The following URB2 variants were observed in gnomAD, a reference collection of about 807,000 sequenced individuals.
URB2 encodes the protein unhealthy ribosome biogenesis protein 2 homolog.
URB2 carries 86 observed loss-of-function variants against 120.9 expected under a neutral mutation model. The ratio of observed to expected loss-of-function variants is 0.71; its 90% CI spans 0.60 to 0.85. The LOEUF (loss-of-function observed/expected upper bound fraction) is 0.85. URB2 is among the 40% of genes least tolerant of loss of function. The pLI, the probability that URB2 is intolerant of heterozygous loss-of-function variation, is 0.00. For synonymous variants in URB2, 755 were observed against 758.4 expected (o/e 1.00, Z 0.07); for missense variants, 1,765 against 1,836.5 (o/e 0.96, Z 0.71).
Position 229,659,390 on chromosome 1 carries a change from T to C in URB2, c.*93T>C. The C allele has an allele frequency of 7.6e-7, 1 of 1,314,540 alleles. No homozygotes were observed. Among genetic ancestry groups the C allele is most frequent in the Non-Finnish European group, 1.1e-6 (1 of 941,072 alleles). 81.4% of individuals were successfully genotyped at this position (1,314,540 alleles called of 1,614,324 possible). A position where few individuals can be genotyped will look rare whatever the true frequency, so the allele number is the denominator to read the frequency against. Reference sequence around the variant, plus strand: ...GGAGAATGAAAGACTTAAGATGTTCTAATTCGTAGTATTGGTATACATAGA... The same window carrying C: ...GGAGAATGAAAGACTTAAGATGTTCCAATTCGTAGTATTGGTATACATAGA... On this transcript the variant is annotated 3_prime_UTR_variant, in exon 10 of 10. Coordinates refer to ENST00000258243, the MANE Select transcript of URB2 (RefSeq NM_014777.4).
intron 5 of URB2, among the ~76,000 whole-genome samples, chr1:229,645,545 G>T (rs1168543176): frequency 6.6e-6 from 1 of 152,120 alleles, no homozygotes; most frequent in Non-Finnish European, 1.5e-5. Context: ...CTGTAATTAG[G>T]TCACAGTGTG....
At chr1:229,640,122 C>T (rs1426769077) in intron 4 of URB2, among the ~76,000 whole-genome samples, 1 of 152,122 alleles carries the variant, frequency 6.6e-6, no homozygotes, top group Non-Finnish European at 1.5e-5. Context: ...TATTAACATG[C>T]ATTGTATTAT....
Position 229,637,162 on chromosome 1 carries a change from G to A in URB2, c.2549G>A (p.Gly850Asp). 1.9e-6 allele frequency: 3 copies of A among 1,613,824 alleles called. No homozygotes were observed. Among genetic ancestry groups the A allele is most frequent in the Non-Finnish European group, 2.5e-6 (3 of 1,179,806 alleles). Reference sequence around the variant, plus strand: ...TTTGAAAAGGACCACATGGTTGTGGGTCATTGGGAAAACAGATTTGCAAAA... The same window carrying A: ...TTTGAAAAGGACCACATGGTTGTGGATCATTGGGAAAACAGATTTGCAAAA... ...WLFEKDHMVV[G>D]HWENRFAKAG... Residue 850 changes from glycine to aspartate, a missense_variant, in exon 4 of 10, where the codon GGT (glycine) becomes GAT (aspartate). By Grantham distance (94) the Gly-to-Asp change is moderately conservative. Transcript: ENST00000258243.
intron 6 of URB2, 130 bp from the exon 7 acceptor site, chr1:229,647,380 C>T (rs1390070952): frequency 3.4e-5 from 38 of 1,125,546 alleles, no homozygotes; most frequent in Admixed American, 5.3e-5. Context: ...TAGTATTTAA[C>T]GGCCCACGGA....
intron 9 of URB2, 98 bp from the exon 10 acceptor site, chr1:229,659,002 G>A: frequency 8.2e-7 from 1 of 1,225,118 alleles, no homozygotes. Context: ...AGGTCAGTTT[G>A]AAATTACTTG....
rs760894683 is a variant in URB2 at position 229,653,936 on chromosome 1, G to GTTT, written c.4238-291_4238-289dup. 5.3e-3 allele frequency among the ~76,000 whole-genome samples: 321 copies of GTTT among 60,424 alleles called. 11 individuals carry two copies. Among genetic ancestry groups the GTTT allele is most frequent in the African/African-American group, 0.013 (196 of 14,880 alleles). 39.6% of individuals were successfully genotyped at this position (60,424 alleles called of 152,430 possible). On this transcript the variant is annotated intron_variant, in intron 8 of 9. Coordinates refer to ENST00000258243, the MANE Select transcript of URB2 (RefSeq NM_014777.4). Reference sequence around the variant, plus strand: ...CTTTATTATAGAACTCCATCTTGGTGTTTTTTTTTTTTTTTTTTTTTTTTA... The same window carrying GTTT: ...CTTTATTATAGAACTCCATCTTGGTGTTTTTTTTTTTTTTTTTTTTTTTTTTTA...
intron 7 of URB2, 104 bp from the exon 8 acceptor site, chr1:229,651,131 C>T (rs1176131116): frequency 3.7e-6 from 4 of 1,088,904 alleles, no homozygotes; most frequent in African/African-American, 1.6e-5. Flanking sequence ...GTTTGAGTGT[C>T]CCGATAGACT....
In URB2 at chr1:229,637,483, G is replaced by A; in HGVS notation, c.2870G>A (p.Ser957Asn). The A allele has an allele frequency of 6.2e-7, 1 of 1,614,196 alleles. No homozygotes were observed. The highest frequency in any genetic ancestry group is 2.2e-5 in the East Asian group (1 of 44,886). The change falls in exon 4 of 10, where the codon AGT becomes AAT. Residue 957 changes from serine to asparagine, a missense_variant. Ser to Asn is a conservative substitution (Grantham distance 46). Transcript: ENST00000258243. ...CTTGGTTACTTGCAAAAGGGGAAAA[G>A]TGCTCGCTCTGTGTTCAAGATCATG... ...QLLGYLQKGK[S>N]ARSVFKIMYG...
chr1:229,645,097 C>T (rs1054110570), intron 5 of URB2, among the ~76,000 whole-genome samples: 34 of 151,990 alleles, frequency 2.2e-4, no homozygotes, highest in Admixed American at 1.3e-4. Flanking sequence ...ACCACCTGGC[C>T]AACATAGTGA....
chr1:229,658,358 A>T (rs61825541), intron 9 of URB2, among the ~76,000 whole-genome samples: 1 of 151,938 alleles, frequency 6.6e-6, no homozygotes, highest in Non-Finnish European at 1.5e-5. Flanking sequence ...GCTGCCACCC[A>T]CACTCCTGTG....
Position 229,651,438 on chromosome 1 carries a change from A to C in URB2, c.4237+116A>C, listed in dbSNP as rs1571882215. 3 of 763,598 alleles carry C rather than the reference A, an allele frequency of 3.9e-6. No homozygotes were observed. The East Asian group carries it at 9.4e-5, about 24-fold the overall frequency. 47.3% of individuals were successfully genotyped at this position (763,598 alleles called of 1,614,324 possible). On this transcript the variant is annotated intron_variant, in intron 8 of 9. Coordinates refer to ENST00000258243, the MANE Select transcript of URB2 (RefSeq NM_014777.4). Reference sequence around the variant, plus strand: ...CACTTGTGTTTAAATAAGAGAAATGATATCAAATGAATACTCAAAATATAT... The same window carrying C: ...CACTTGTGTTTAAATAAGAGAAATGCTATCAAATGAATACTCAAAATATAT...
At position 229,648,207 on chromosome 1, in the gene URB2, A is replaced by C. The variant is rs1666197334; in HGVS notation, c.4149+455A>C. Among the ~76,000 whole-genome samples the C allele has an allele frequency of 5.3e-5, 8 of 152,230 alleles. 1 individual carries two copies. The South Asian group carries it at 1.7e-3, about 32-fold the overall frequency. On this transcript the variant is annotated intron_variant, in intron 7 of 9. Coordinates refer to ENST00000258243, the MANE Select transcript of URB2 (RefSeq NM_014777.4). ...TTCAGCTATGTGTATAAACTATATA[A>C]AGTGAAACATAAATGAACTTTTAAA... is the stretch of plus-strand genomic sequence containing the variant.
At chr1:229,653,527 A>G (rs891662886) in intron 8 of URB2, among the ~76,000 whole-genome samples, 3 of 152,128 alleles carry the variant, frequency 2.0e-5, no homozygotes, top group African/African-American at 7.2e-5. Context: ...GTTTTATAAA[A>G]ATGTGCCTAC....
intron 8 of URB2, among the ~76,000 whole-genome samples, chr1:229,653,053 A>G (rs1460781615): frequency 6.6e-6 from 1 of 152,236 alleles, no homozygotes; most frequent in Admixed American, 6.5e-5. Flanking sequence ...AACAAGTGCT[A>G]TGTATTCATG....
rs751690667 is a variant in URB2 at position 229,636,745 on chromosome 1, G to C, written c.2132G>C (p.Gly711Ala). 1.9e-6 allele frequency: 3 copies of C among 1,612,396 alleles called. No homozygotes were observed. The highest frequency in any genetic ancestry group is 2.5e-6 in the Non-Finnish European group (3 of 1,179,024). Residue 711 changes from glycine (G) to alanine (A), a missense_variant, in exon 4 of 10, where the codon GGC becomes GCC. Gly to Ala is a moderately conservative substitution (Grantham distance 60, BLOSUM62 0). Transcript: ENST00000258243. ...RCDAAFIIGS[G>A]RKSLNQRTTA... ...GATGCTGCCTTTATTATTGGTTCCG[G>C]CAGAAAAAGCTTGAATCAGAGAACG...
chr1:229,645,883 C>T lies in URB2; in HGVS notation c.3820C>T (p.Leu1274=), dbSNP rs145358275. Residue 1274 remains leucine (L), a synonymous_variant, in exon 6 of 10, where the codon CTG becomes TTG. Transcript: ENST00000258243. ...GGCTGTTGTGTCAGCTGTTACACTG[C>T]TGAGGCTGCTACTGAACTGCCCACT... The part of the protein sequence containing the change: ...VQAVVSAVTL[L]RLLLNCPLSG... The T allele has an allele frequency of 2.4e-5, 38 of 1,614,186 alleles. No individual in the cohort carries two copies. The East Asian group carries it at 8.5e-4, about 36-fold the overall frequency.
In URB2 at chr1:229,645,843, T is replaced by C. The variant is rs1460927051; in HGVS notation, c.3796-16T>C. 2.3e-5 allele frequency: 37 copies of C among 1,612,534 alleles called. No homozygotes were observed. The highest frequency in any genetic ancestry group is 3.1e-5 in the Non-Finnish European group (36 of 1,178,850). ...CACGCTATCTCTGCCGCTAAGTTTT[T>C]TCTCTCTTGCCCCAGGCTGTTGTGT... is the stretch of plus-strand genomic sequence containing the variant. On this transcript the variant is annotated splice_polypyrimidine_tract_variant and intron_variant, in intron 5 of 9. Coordinates refer to ENST00000258243, the MANE Select transcript of URB2 (RefSeq NM_014777.4).
In URB2 at chr1:229,653,831, G is replaced by T. The variant is rs149638641; in HGVS notation, c.4238-418G>T. Reference sequence around the variant, plus strand: ...TAAGGAGGCAAAGACATAATTTAGGGTATCTCATTTTTTAAATCATATGAT... The same window carrying T: ...TAAGGAGGCAAAGACATAATTTAGGTTATCTCATTTTTTAAATCATATGAT... On this transcript the variant is annotated intron_variant, in intron 8 of 9. Coordinates refer to ENST00000258243, the MANE Select transcript of URB2 (RefSeq NM_014777.4). Among the ~76,000 whole-genome samples the T allele has an allele frequency of 8.6e-5, 13 of 151,912 alleles. No individual in the cohort carries two copies. In the East Asian group the frequency reaches 2.1e-3, roughly 25 times the overall value.
chr1:229,632,487 A>C, intron 3 of URB2, 42 bp downstream of exon 3: 4 of 1,473,462 alleles, frequency 2.7e-6, no homozygotes, highest in Non-Finnish European at 3.6e-6. Context: ...ATGCATCTCC[A>C]TTGATTTCTT....
Sources: gnomAD v4.1 joint callset for allele counts (sites outside exome capture counted in the v4.1 genomes callset) on GRCh38, gnomAD v4.1.1 for gene constraint, MANE v1.5 for transcripts, NCBI Gene and HGNC (gene_info 2026-07-23, HGNC 2026-07-21) for gene names.